Variants in ZSCAN32 observed in about 807,000 individuals in gnomAD.
ZSCAN32 encodes the protein zinc finger and SCAN domain containing 32, also known as zinc finger and SCAN domain-containing protein 32.
Under a neutral mutation model 47.4 loss-of-function variants are expected in ZSCAN32, and 52 were observed. That is an observed-to-expected ratio of 1.10 (90% CI 0.88 to 1.38). The LOEUF is 1.38. Ranked by LOEUF, ZSCAN32 falls within the 40% of genes most tolerant of loss-of-function variation. The pLI, the probability that ZSCAN32 is intolerant of heterozygous loss-of-function variation, is 0.00. For missense variants in ZSCAN32, 959 were observed against 846.0 expected (o/e 1.13, Z -1.66); for synonymous variants, 346 against 305.7 (o/e 1.13, Z -1.38).
intron 5 of ZSCAN32, among the ~76,000 whole-genome samples, chr16:3,386,712 G>A (rs1328576033): frequency 6.6e-6 from 1 of 152,090 alleles, no homozygotes; most frequent in African/African-American, 2.4e-5. Flanking sequence ...AATACCACAT[G>A]TTGTCACTCA....
At chr16:3,384,384 T>C (rs1466677239) in intron 6 of ZSCAN32, 75 bp downstream of exon 6, 3 of 1,574,864 alleles carry the variant, frequency 1.9e-6, no homozygotes, top group Non-Finnish European at 8.6e-7. Flanking sequence ...TGACAGCTCC[T>C]ACTCAACTGC....
At chr16:3,393,912 G>T in intron 2 of ZSCAN32, 98 bp from the exon 3 acceptor site, 1 of 1,125,622 alleles carries the variant, frequency 8.9e-7, no homozygotes, top group Non-Finnish European at 1.2e-6. Flanking sequence ...ACATAAGGAA[G>T]CAGAAGAGAA....
intron 2 of ZSCAN32, among the ~76,000 whole-genome samples, chr16:3,395,860 T>C (rs2033322254): frequency 1.3e-5 from 2 of 152,158 alleles, no homozygotes; most frequent in African/African-American, 4.8e-5. Context: ...TAGTTGGGCA[T>C]GGTGGTGTGC....
At chr16:3,398,637 T>G (rs146939914) in intron 1 of ZSCAN32, among the ~76,000 whole-genome samples, 373 of 152,276 alleles carry the variant, frequency 2.4e-3, no homozygotes, top group Non-Finnish European at 4.6e-3. Flanking sequence ...TGCTGACGAA[T>G]TACTCAAACT....
In ZSCAN32 at chr16:3,384,894, T is replaced by C. The variant is rs376240662; in HGVS notation, c.799A>G (p.Ile267Val). Residue 267 changes from isoleucine to valine, a missense_variant, in exon 6 of 7, where the codon ATT becomes GTT. Coordinates refer to ENST00000396852, the MANE Select transcript of ZSCAN32 (RefSeq NM_001284527.2). ...CCATAAAATTGAGAACTACTAAGAATAGCCAGGAGCGTCTTGGTCTCTTCA... is the reference window on the plus strand; with the variant it reads ...CCATAAAATTGAGAACTACTAAGAACAGCCAGGAGCGTCTTGGTCTCTTCA... The part of the protein sequence containing the change: ...GYEETKTLLA[I>V]LSSSQFYGKL... The C allele has an allele frequency of 3.1e-6, 5 of 1,614,046 alleles. No individual in the cohort carries two copies. Among genetic ancestry groups the C allele is most frequent in the African/African-American group, 1.3e-5 (1 of 74,928 alleles).
intron 5 of ZSCAN32, among the ~76,000 whole-genome samples, chr16:3,386,608 A>C (rs371085228): frequency 6.6e-6 from 1 of 152,224 alleles, no homozygotes. Flanking sequence ...ATACTATGCA[A>C]CCATAAAAAA....
intron 2 of ZSCAN32, among the ~76,000 whole-genome samples, chr16:3,394,717 G>A (rs1172049097): frequency 1.3e-5 from 2 of 152,122 alleles, no homozygotes; most frequent in Non-Finnish European, 2.9e-5. Context: ...GCATCATTCT[G>A]CCCGGCCTCC....
intron 2 of ZSCAN32, 36 bp downstream of exon 2, chr16:3,397,156 A>G: frequency 6.8e-7 from 1 of 1,477,802 alleles, no homozygotes; most frequent in East Asian, 2.5e-5. Flanking sequence ...ACAACTTCAT[A>G]ACCAAAACCA....
chr16:3,399,709 G>A (rs1465056478), intron 1 of ZSCAN32, among the ~76,000 whole-genome samples: 1 of 152,006 alleles, frequency 6.6e-6, no homozygotes, highest in South Asian at 2.1e-4. Flanking sequence ...ACCTCCCAAA[G>A]TGTTAGGATT....
At chr16:3,392,516 A>G (rs1471460453) in intron 3 of ZSCAN32, among the ~76,000 whole-genome samples, 1 of 151,956 alleles carries the variant, frequency 6.6e-6, no homozygotes, top group Admixed American at 6.6e-5. Flanking sequence ...CCCAGCCAAG[A>G]TAATTTTTTT....
At chr16:3,389,731 T>G (rs2032443270) in intron 5 of ZSCAN32, among the ~76,000 whole-genome samples, 1 of 152,180 alleles carries the variant, frequency 6.6e-6, no homozygotes, top group Admixed American at 6.5e-5. Flanking sequence ...TGGCTCCGGC[T>G]CTGGACTACT....
At chr16:3,393,208 T>TATATATAAA (rs2032963532) in intron 3 of ZSCAN32, among the ~76,000 whole-genome samples, 1 of 11,788 alleles carries the variant, frequency 8.5e-5, no homozygotes, top group Non-Finnish European at 1.4e-4. Context: ...ATATTTATAT[T>TATATATAAA]TATATATATA....
At chr16:3,384,169 G>A in intron 6 of ZSCAN32, 2 of 550,846 alleles carry the variant, frequency 3.6e-6, no homozygotes, top group Non-Finnish European at 6.3e-6. Context: ...GAAAAAGGGA[G>A]AAGATGGACC....
At chr16:3,393,937 CTG>C in intron 2 of ZSCAN32, 123 bp from the exon 3 acceptor site, 2 of 742,936 alleles carry the variant, frequency 2.7e-6, no homozygotes, top group Non-Finnish European at 4.1e-6. Context: ...CTAGGAGCCA[CTG>C]TATTGCTGCT....
intron 3 of ZSCAN32, among the ~76,000 whole-genome samples, chr16:3,391,429 G>C (rs1214527381): frequency 6.6e-6 from 1 of 152,184 alleles, no homozygotes; most frequent in Non-Finnish European, 1.5e-5. Flanking sequence ...TGTAATCCCA[G>C]CACTTTGGGA....
chr16:3,383,468 G>A lies in ZSCAN32; in HGVS notation c.1478C>T (p.Ala493Val). Residue 493 changes from alanine to valine, a missense_variant, in exon 7 of 7, where the codon GCC (alanine) becomes GTC (valine). Ala to Val is a moderately conservative substitution (Grantham distance 64). Coordinates refer to ENST00000396852, the MANE Select transcript of ZSCAN32 (RefSeq NM_001284527.2). ...SHQSFCARDK[A>V]CTHILCGKNC... ...TTTCCCACAGAGGATATGTGTACAGGCTTTGTCCCTGGCACAAAAACTCTG... is the reference window on the plus strand; with the variant it reads ...TTTCCCACAGAGGATATGTGTACAGACTTTGTCCCTGGCACAAAAACTCTG... 6.2e-7 allele frequency: 1 copy of A among 1,614,122 alleles called. No individual in the cohort carries two copies. The highest frequency in any genetic ancestry group is 8.5e-7 in the Non-Finnish European group (1 of 1,179,998).
chr16:3,396,934 C>T (rs778619441), intron 2 of ZSCAN32, among the ~76,000 whole-genome samples: 7 of 152,136 alleles, frequency 4.6e-5, no homozygotes, highest in Non-Finnish European at 8.8e-5. Context: ...GCCTTGTTTT[C>T]GAGAATTTTT....
rs988299482 is a variant in ZSCAN32, at chr16:3,393,579, T to C, written c.532+70A>G. On this transcript the variant is annotated intron_variant, in intron 3 of 6. Transcript: ENST00000396852. Reference sequence around the variant, plus strand: ...GTCTGGAACCCTTGGGTGGACTCAGTTCAGACCTTTGTTTCCAGTAAATGA... The same window carrying C: ...GTCTGGAACCCTTGGGTGGACTCAGCTCAGACCTTTGTTTCCAGTAAATGA... The C allele has an allele frequency of 2.1e-6, 3 of 1,428,850 alleles. No individual in the cohort carries two copies. In the African/African-American group the frequency reaches 4.3e-5, roughly 21 times the overall value. The allele number at this position is 1,428,850 out of a possible 1,614,324, so 88.5% of individuals were successfully genotyped here.
chr16:3,400,464 T>G (rs2033787294), intron 1 of ZSCAN32, among the ~76,000 whole-genome samples: 2 of 152,336 alleles, frequency 1.3e-5, no homozygotes, highest in African/African-American at 4.8e-5. Flanking sequence ...TGACCCCTTT[T>G]GACCCCTTAC....
Sources: gnomAD v4.1 joint callset for allele counts (sites outside exome capture counted in the v4.1 genomes callset) on GRCh38, gnomAD v4.1.1 for gene constraint, MANE v1.5 for transcripts, NCBI Gene and HGNC (gene_info 2026-07-23, HGNC 2026-07-21) for gene names.